PTPN9: variants seen among roughly 807,000 people sequenced by gnomAD.
The protein encoded by PTPN9 is tyrosine-protein phosphatase non-receptor type 9.
A neutral mutation model predicts 69.8 loss-of-function variants in PTPN9; 26 were observed. The observed-to-expected ratio is 0.37, with a 90% CI of 0.27 to 0.52. The LOEUF is 0.52. PTPN9 is among the 20% of genes least tolerant of loss of function. PTPN9 has a pLI of 0.91. For missense variants in PTPN9, 549 were observed against 740.3 expected, an observed-to-expected ratio of 0.74 and a Z score of 3.00; for synonymous variants, 274 against 272.5, an observed-to-expected ratio of 1.01 and a Z score of -0.05.
chr15:75,512,807 C>T (rs1379467999), intron 5 of PTPN9: 3 of 281,558 alleles, frequency 1.1e-5, no homozygotes, highest in Admixed American at 7.5e-5. Flanking sequence ...TCTTCCACAC[C>T]TCTGAGACAA....
At chr15:75,506,869 C>T (rs1011964529) in intron 6 of PTPN9, among the ~76,000 whole-genome samples, 1 of 151,946 alleles carries the variant, frequency 6.6e-6, no homozygotes, top group Non-Finnish European at 1.5e-5. Context: ...CATGGACCAG[C>T]ACAGCTCACC....
At chr15:75,565,987 T>A (rs929579844) in intron 1 of PTPN9, among the ~76,000 whole-genome samples, 3 of 152,204 alleles carry the variant, frequency 2.0e-5, no homozygotes, top group African/African-American at 7.2e-5. Context: ...AAAGTCAGAC[T>A]CTTCATTTTT....
At position 75,490,308 on chromosome 15, in the gene PTPN9, G is replaced by C; in HGVS notation, c.969-7C>G. On this transcript the variant is annotated splice_polypyrimidine_tract_variant and splice_region_variant and intron_variant, in intron 7 of 12. Transcript: ENST00000618819. ...CTCTAGGTTTCCTGGAGACCTGAAG[G>C]AAACGAAACAAACAAGCAAGAATAA... 1 of 1,586,776 alleles carries C rather than the reference G, an allele frequency of 6.3e-7. No homozygotes were observed. Among genetic ancestry groups the C allele is most frequent in the Non-Finnish European group, 8.7e-7 (1 of 1,155,278 alleles).
intron 5 of PTPN9, among the ~76,000 whole-genome samples, chr15:75,512,468 T>A (rs1291977065): frequency 6.6e-6 from 1 of 152,174 alleles, no homozygotes; most frequent in African/African-American, 2.4e-5. Flanking sequence ...GCTGAGATTA[T>A]AGATTTAAGT....
intron 1 of PTPN9, among the ~76,000 whole-genome samples, chr15:75,530,559 ATAT>A (rs1363594718): frequency 1.1e-4 from 7 of 65,206 alleles, no homozygotes; most frequent in South Asian, 8.3e-4. Context: ...AATATATTAT[ATAT>A]TATTATATTA....
At chr15:75,498,607 T>C (rs796076190) in intron 7 of PTPN9, among the ~76,000 whole-genome samples, 10 of 152,006 alleles carry the variant, frequency 6.6e-5, no homozygotes, top group African/African-American at 2.4e-4. Flanking sequence ...CCCAGCTACT[T>C]GGGAGGCTGA....
chr15:75,537,442 C>CA (rs1567510749), intron 1 of PTPN9, among the ~76,000 whole-genome samples: 1 of 49,736 alleles, frequency 2.0e-5, no homozygotes, highest in African/African-American at 1.3e-4. Flanking sequence ...AATATCTTCC[C>CA]TAAAAAAAAA....
intron 8 of PTPN9, among the ~76,000 whole-genome samples, chr15:75,489,132 G>A (rs907915057): frequency 6.1e-5 from 8 of 130,428 alleles, no homozygotes; most frequent in South Asian, 2.4e-4. Context: ...CCAATATTGC[G>A]CCACTGCACT....
intron 4 of PTPN9, 102 bp downstream of exon 4, chr15:75,523,019 A>G: frequency 7.4e-7 from 1 of 1,353,264 alleles, no homozygotes; most frequent in South Asian, 1.3e-5. Flanking sequence ...CCCAGGGCAC[A>G]TCCTAGGAGA....
At chr15:75,565,655 A>G (rs2075123727) in intron 1 of PTPN9, among the ~76,000 whole-genome samples, 2 of 152,182 alleles carry the variant, frequency 1.3e-5, no homozygotes, top group African/African-American at 2.4e-5. Context: ...TTTCTTCATA[A>G]AGGCTGTTTA....
chr15:75,549,825 T>A (rs1047383340), intron 1 of PTPN9, among the ~76,000 whole-genome samples: 1 of 152,012 alleles, frequency 6.6e-6, no homozygotes, highest in African/African-American at 2.4e-5. Flanking sequence ...AATTAAAAAA[T>A]TAGCCAGGTG....
chr15:75,482,458 G>C (rs1483385829), intron 8 of PTPN9, among the ~76,000 whole-genome samples: 3 of 151,604 alleles, frequency 2.0e-5, no homozygotes, highest in African/African-American at 4.8e-5. Flanking sequence ...CCAGCTACTC[G>C]GGAGGCTGAG....
chr15:75,479,824 C>A, intron 9 of PTPN9, 24 bp downstream of exon 9: 2 of 1,566,452 alleles, frequency 1.3e-6, no homozygotes, highest in Non-Finnish European at 1.7e-6. Flanking sequence ...ACAAAATCAA[C>A]ATGGGAGGGA....
intron 1 of PTPN9, among the ~76,000 whole-genome samples, chr15:75,530,199 C>CAAAAAAAA (rs1171614508): frequency 3.5e-5 from 1 of 28,236 alleles, no homozygotes. Flanking sequence ...GACTCCATCT[C>CAAAAAAAA]AAAAAAAAAA....
Position 75,566,457 on chromosome 15 carries a change from A to G in PTPN9, c.63+12257T>C, listed in dbSNP as rs555025811. 5.3e-5 allele frequency among the ~76,000 whole-genome samples: 8 copies of G among 152,266 alleles called. No homozygotes were observed. The East Asian group carries it at 1.5e-3, about 29-fold the overall frequency. ...AGCACTTTGGGAGGCCGAGGTGGGC[A>G]GATGACCTGAGGTCAGGAGTTTGAG... On this transcript the variant is annotated intron_variant, in intron 1 of 12. Transcript: ENST00000618819.
chr15:75,485,409 C>T (rs551372857), intron 8 of PTPN9, among the ~76,000 whole-genome samples: 21 of 143,062 alleles, frequency 1.5e-4, no homozygotes, highest in East Asian at 4.1e-4. Flanking sequence ...TTGCCCAGGC[C>T]GGACTGCGGA....
At chr15:75,563,009 G>A (rs2075111444) in intron 1 of PTPN9, among the ~76,000 whole-genome samples, 1 of 151,962 alleles carries the variant, frequency 6.6e-6, no homozygotes. Flanking sequence ...CACAGGGTTT[G>A]GTGTACAGAT....
intron 1 of PTPN9, among the ~76,000 whole-genome samples, chr15:75,550,453 A>T (rs2075052505): frequency 6.8e-6 from 1 of 146,728 alleles, no homozygotes; most frequent in East Asian, 2.3e-4. Flanking sequence ...GGCGTGAGCC[A>T]CCATGCCCAA....
intron 1 of PTPN9, among the ~76,000 whole-genome samples, chr15:75,550,172 T>TC (rs1212010953): frequency 4.0e-5 from 6 of 151,704 alleles, no homozygotes; most frequent in Non-Finnish European, 8.8e-5. Flanking sequence ...TGGTAGTTTT[T>TC]TTTTTTTTTT....
Sources: gnomAD v4.1 joint callset for allele counts (sites outside exome capture counted in the v4.1 genomes callset) on GRCh38, gnomAD v4.1.1 for gene constraint, MANE v1.5 for transcripts, NCBI Gene and HGNC (gene_info 2026-07-23, HGNC 2026-07-21) for gene names.